Variants in GABPB2 observed in about 807,000 individuals in gnomAD.
The protein encoded by GABPB2 is GA-binding protein subunit beta-2.
Under a neutral mutation model 39.1 loss-of-function variants are expected in GABPB2, and 23 were observed. The ratio of observed to expected loss-of-function variants is 0.59; its 90% CI spans 0.42 to 0.83. The LOEUF is 0.83. Ranked by LOEUF, GABPB2 falls within the 40% of genes least tolerant of loss-of-function variation. The pLI, the probability that GABPB2 is intolerant of heterozygous loss-of-function variation, is 0.00. For synonymous variants in GABPB2, 184 were observed against 199.3 expected, an observed-to-expected ratio of 0.92 and a Z score of 0.65; for missense variants, 467 against 541.1, an observed-to-expected ratio of 0.86 and a Z score of 1.36.
intron 6 of GABPB2, among the ~76,000 whole-genome samples, chr1:151,104,802 T>TTTCTTTTCTTTCTTTCTTTC (rs10638922): frequency 7.2e-6 from 1 of 139,360 alleles, no homozygotes; most frequent in Non-Finnish European, 1.5e-5. Flanking sequence ...TCTTTCTTTC[T>TTTCTTTTCTTTCTTTCTTTC]TTTCTTTCTT....
chr1:151,097,333 C>T (rs1198335537), intron 4 of GABPB2, among the ~76,000 whole-genome samples: 1 of 152,112 alleles, frequency 6.6e-6, no homozygotes, highest in Admixed American at 6.6e-5. Context: ...TGGAAAGCAA[C>T]CTAACAACTC....
At chr1:151,074,176 C>T (rs1460215622) in intron 1 of GABPB2, among the ~76,000 whole-genome samples, 1 of 151,276 alleles carries the variant, frequency 6.6e-6, no homozygotes, top group East Asian at 2.0e-4. Context: ...GGGGTTTCAC[C>T]ATGTTAGCCA....
chr1:151,103,812 C>T, intron 6 of GABPB2, 137 bp downstream of exon 6: 1 of 601,440 alleles, frequency 1.7e-6, no homozygotes, highest in Non-Finnish European at 2.9e-6. Flanking sequence ...GATGTGGCAT[C>T]ATTGAACATC....
intron 1 of GABPB2, chr1:151,073,092 G>T (rs766637541): frequency 6.6e-6 from 1 of 151,814 alleles, no homozygotes; most frequent in Non-Finnish European, 1.5e-5. Flanking sequence ...ATAGCTCATC[G>T]CATCCTTGAA....
At position 151,103,593 on chromosome 1, in the gene GABPB2, A is replaced by G; in HGVS notation, c.654A>G (p.Ser218=). Residue 218 remains serine (S), a synonymous_variant, in exon 6 of 9, where the codon TCA becomes TCG. Coordinates refer to ENST00000368918, the MANE Select transcript of GABPB2 (RefSeq NM_144618.3). ...CCCATGCCTCAACAGTACAGTTTTC[A>G]AATTCTACCACCTCAGTGCTGGCTA... is the stretch of plus-strand genomic sequence containing the variant. The part of the protein sequence containing the change: ...GDPHASTVQF[S]NSTTSVLATL... 6.2e-7 allele frequency: 1 copy of G among 1,614,050 alleles called. No homozygotes were observed. Among genetic ancestry groups the G allele is most frequent in the Non-Finnish European group, 8.5e-7 (1 of 1,179,982 alleles).
In GABPB2 at chr1:151,103,571, A is replaced by G; in HGVS notation, c.632A>G (p.His211Arg). The G allele has an allele frequency of 1.2e-6, 2 of 1,612,822 alleles. No homozygotes were observed. Among genetic ancestry groups the G allele is most frequent in the South Asian group, 1.1e-5 (1 of 90,988 alleles). The change falls in exon 6 of 9, where the codon CAT (histidine) becomes CGT (arginine). Residue 211 changes from histidine (H) to arginine (R), a missense_variant. By Grantham distance (29) the His-to-Arg change is conservative. Transcript: ENST00000368918. ...TTTCTTACTGAAATAGGTGACCCCC[A>G]TGCCTCAACAGTACAGTTTTCAAAT... Reference protein sequence around the residue: ...TNTKTTSGDPHASTVQFSNST... With the variant: ...TNTKTTSGDPRASTVQFSNST...
intron 4 of GABPB2, among the ~76,000 whole-genome samples, chr1:151,095,879 C>T (rs1251423892): frequency 6.6e-6 from 1 of 151,684 alleles, no homozygotes; most frequent in Non-Finnish European, 1.5e-5. Flanking sequence ...ACTAAAAATA[C>T]AGAAATTAGC....
intron 5 of GABPB2, among the ~76,000 whole-genome samples, chr1:151,100,742 C>T (rs1391518088): frequency 6.6e-6 from 1 of 150,948 alleles, no homozygotes; most frequent in Non-Finnish European, 1.5e-5. Context: ...TGCCTGCCAC[C>T]ACGCCCAGCT....
intron 4 of GABPB2, among the ~76,000 whole-genome samples, chr1:151,094,999 G>T (rs1404095244): frequency 9.2e-6 from 1 of 108,710 alleles, no homozygotes; most frequent in Admixed American, 1.0e-4. Context: ...GACACAGCAG[G>T]ATTCCATCTC....
chr1:151,116,246 C>A (rs976420966), intron 7 of GABPB2, among the ~76,000 whole-genome samples: 1 of 151,940 alleles, frequency 6.6e-6, no homozygotes, highest in Admixed American at 6.6e-5. Context: ...ACAGAATTAG[C>A]CGGGTGTAGT....
chr1:151,080,232 A>C (rs12041464), intron 1 of GABPB2, among the ~76,000 whole-genome samples: 86,254 of 118,598 alleles, frequency 0.73, 31,354 homozygotes, highest in East Asian at 0.86. Flanking sequence ...AAAAAAAAAA[A>C]AAAAAAAAAA....
intron 1 of GABPB2, among the ~76,000 whole-genome samples, chr1:151,076,707 G>A (rs1427092510): frequency 6.6e-6 from 1 of 151,024 alleles, no homozygotes; most frequent in African/African-American, 2.4e-5. Context: ...TGGGATTACA[G>A]GTGTGAGCCA....
intron 3 of GABPB2, among the ~76,000 whole-genome samples, chr1:151,092,234 G>A (rs1044795890): frequency 6.7e-6 from 1 of 149,114 alleles, no homozygotes; most frequent in Non-Finnish European, 1.5e-5. Context: ...AGCCTCCGGA[G>A]TAGCTGGGAC....
chr1:151,080,511 C>CTAAATAAA (rs34274763), intron 1 of GABPB2, among the ~76,000 whole-genome samples: 1,894 of 143,792 alleles, frequency 0.013, 16 homozygotes, highest in African/African-American at 0.034. Context: ...AACTCCATCT[C>CTAAATAAA]TAAATAAATA....
At chr1:151,080,532 T>G (rs990443381) in intron 1 of GABPB2, among the ~76,000 whole-genome samples, 2 of 145,582 alleles carry the variant, frequency 1.4e-5, no homozygotes, top group African/African-American at 5.1e-5. Context: ...AATAAATAAA[T>G]AAATAAATAA....
rs1681291428 is a variant in GABPB2, at chr1:151,124,150, TTTTTCTTTTTTC to T, written c.*5906_*5917del. 1 of 149,530 alleles carries T rather than the reference TTTTTCTTTTTTC, an allele frequency of 6.7e-6. No homozygotes were observed. The highest frequency in any genetic ancestry group is 2.5e-5 in the African/African-American group (1 of 40,736). The allele number at this position is 149,530 out of a possible 1,614,324, so 9.3% of individuals were successfully genotyped here. A position where few individuals can be genotyped will look rare whatever the true frequency, so the allele number is the denominator to read the frequency against. On this transcript the variant is annotated 3_prime_UTR_variant, in exon 9 of 9. Transcript: ENST00000368918. The stretch of plus-strand genomic sequence containing the variant: ...AAATATCAGTTTGAGAAATGATTTT[TTTTTCTTTTTTC>T]TTTTCTTTTTTTTTTTTTAAACAGA...
Position 151,117,681 on chromosome 1 carries a change from T to C in GABPB2, c.1047+165T>C, listed in dbSNP as rs371661649. ...TCACTGCAACCTCCGCCTCCCGGGC[T>C]CAAGTGATTCTCATGCCTCAGCCTC... On this transcript the variant is annotated intron_variant, in intron 8 of 8. Coordinates refer to ENST00000368918, the MANE Select transcript of GABPB2 (RefSeq NM_144618.3). 3.3e-5 allele frequency among the ~76,000 whole-genome samples: 5 copies of C among 152,294 alleles called. No individual in the cohort carries two copies. The East Asian group carries it at 7.7e-4, about 24-fold the overall frequency.
chr1:151,080,880 GT>G (rs1399617901), intron 1 of GABPB2, among the ~76,000 whole-genome samples: 2 of 138,062 alleles, frequency 1.4e-5, no homozygotes, highest in Admixed American at 7.2e-5. Flanking sequence ...AAAAAGAAAG[GT>G]TTTTTTTTTG....
In GABPB2 at chr1:151,107,162, T is replaced by G. The variant is rs1680033949; in HGVS notation, c.862T>G (p.Ser288Ala). 1 of 1,612,848 alleles carries G rather than the reference T, an allele frequency of 6.2e-7. No homozygotes were observed. The highest frequency in any genetic ancestry group is 1.7e-5 in the Admixed American group (1 of 59,728). Residue 288 changes from serine to alanine, a missense_variant, in exon 7 of 9, where the codon TCA becomes GCA. By Grantham distance (99) the Ser-to-Ala change is moderately conservative. Coordinates refer to ENST00000368918, the MANE Select transcript of GABPB2 (RefSeq NM_144618.3). ...AGTCCCTCTGGGTAATATCCAAACT[T>G]CAATCCCTACTGGAGGCATTGGCCA... ...DGVPLGNIQT[S>A]IPTGGIGQPF...
Sources: gnomAD v4.1 joint callset for allele counts (sites outside exome capture counted in the v4.1 genomes callset) on GRCh38, gnomAD v4.1.1 for gene constraint, MANE v1.5 for transcripts, NCBI Gene and HGNC (gene_info 2026-07-23, HGNC 2026-07-21) for gene names.